CTNND2: variants seen among roughly 807,000 people sequenced by gnomAD.
The protein encoded by CTNND2 is catenin delta 2.
A neutral mutation model predicts 144.4 loss-of-function variants in CTNND2; 22 were observed. The ratio of observed to expected loss-of-function variants is 0.15; its 90% CI spans 0.11 to 0.22. The LOEUF (loss-of-function observed/expected upper bound fraction) is 0.22. Ranked by LOEUF, CTNND2 falls within the 10% of genes least tolerant of loss-of-function variation. The pLI is 1.00. For missense variants in CTNND2, 1,353 were observed against 1,618.8 expected, an observed-to-expected ratio of 0.84 and a Z score of 2.82; for synonymous variants, 751 against 695.6, an observed-to-expected ratio of 1.08 and a Z score of -1.25.
In CTNND2 at chr5:11,019,905, T is replaced by C. The variant is rs61751674; in HGVS notation, c.3000-1847A>G. 4.2e-3 allele frequency among the ~76,000 whole-genome samples: 638 copies of C among 152,314 alleles called. 7 individuals are homozygous for C. The highest frequency in any genetic ancestry group is 0.013 in the African/African-American group (522 of 41,558). On this transcript the variant is annotated intron_variant, in intron 17 of 21. Coordinates refer to ENST00000304623, the MANE Select transcript of CTNND2 (RefSeq NM_001332.4). ...GTATTCTTGAGACAGATGAACATGA[T>C]AGAATGTCCATAATGTATGTTTAAA...
At chr5:11,147,761 T>C (rs993022932) in intron 12 of CTNND2, among the ~76,000 whole-genome samples, 1 of 151,118 alleles carries the variant, frequency 6.6e-6, no homozygotes, top group South Asian at 2.1e-4. Flanking sequence ...GAGGTGAACA[T>C]ACAGAAAAAA....
chr5:11,544,204 T>A (rs1233637650), intron 3 of CTNND2, among the ~76,000 whole-genome samples: 4 of 151,896 alleles, frequency 2.6e-5, no homozygotes, highest in African/African-American at 7.2e-5. Flanking sequence ...AGACGGAGTC[T>A]CCCTCTGTCT....
At chr5:11,188,857 C>T (rs970852757) in intron 11 of CTNND2, among the ~76,000 whole-genome samples, 2 of 152,194 alleles carry the variant, frequency 1.3e-5, no homozygotes, top group African/African-American at 4.8e-5. Context: ...TCTAGTTTAA[C>T]AGATCATTAT....
intron 5 of CTNND2, among the ~76,000 whole-genome samples, chr5:11,404,093 T>C (rs1760869699): frequency 6.6e-6 from 1 of 152,232 alleles, no homozygotes; most frequent in South Asian, 2.1e-4. Context: ...CAGAAGAATA[T>C]GCAGCACACA....
intron 11 of CTNND2, among the ~76,000 whole-genome samples, chr5:11,173,151 C>T (rs913364380): frequency 3.3e-5 from 5 of 152,362 alleles, no homozygotes; most frequent in East Asian, 1.9e-4. Flanking sequence ...GCCCACATGC[C>T]GAACTTCCCG....
intron 2 of CTNND2, among the ~76,000 whole-genome samples, chr5:11,660,548 A>T (rs1482652005): frequency 6.6e-6 from 1 of 152,134 alleles, no homozygotes; most frequent in East Asian, 1.9e-4. Context: ...GTTTCCCAAA[A>T]ATCTGAGGAT....
intron 2 of CTNND2, among the ~76,000 whole-genome samples, chr5:11,577,153 T>A (rs1355847918): frequency 6.6e-6 from 1 of 152,234 alleles, no homozygotes; most frequent in African/African-American, 2.4e-5. Flanking sequence ...AATGACATTA[T>A]CTTCTCATCG....
intron 2 of CTNND2, among the ~76,000 whole-genome samples, chr5:11,702,972 G>A (rs936300417): frequency 6.6e-6 from 1 of 152,142 alleles, no homozygotes; most frequent in Non-Finnish European, 1.5e-5. Context: ...AGATGCTTCA[G>A]TGTTACTCCC....
intron 1 of CTNND2, among the ~76,000 whole-genome samples, chr5:11,766,121 C>T (rs553845247): frequency 6.6e-6 from 1 of 152,236 alleles, no homozygotes; most frequent in African/African-American, 2.4e-5. Context: ...ATTGTTTGCA[C>T]CAAATAATTA....
At chr5:11,875,505 A>G (rs1325655793) in intron 1 of CTNND2, among the ~76,000 whole-genome samples, 1 of 152,166 alleles carries the variant, frequency 6.6e-6, no homozygotes, top group African/African-American at 2.4e-5. Flanking sequence ...CTAACTCCCA[A>G]TGTAACAGTA....
intron 9 of CTNND2, among the ~76,000 whole-genome samples, chr5:11,323,789 G>A (rs1434042720): frequency 1.3e-5 from 2 of 152,214 alleles, no homozygotes; most frequent in African/African-American, 2.4e-5. Context: ...ACACTCTGGA[G>A]AGAGGCCTGG....
chr5:11,719,515 G>A (rs899908979), intron 2 of CTNND2, among the ~76,000 whole-genome samples: 2 of 152,176 alleles, frequency 1.3e-5, no homozygotes, highest in East Asian at 3.9e-4. Flanking sequence ...ACAAAGTATG[G>A]ATATCTCAGA....
chr5:11,237,308 C>A (rs568000159), intron 9 of CTNND2, among the ~76,000 whole-genome samples: 1 of 152,070 alleles, frequency 6.6e-6, no homozygotes, highest in African/African-American at 2.4e-5. Context: ...CGTGAGCCAG[C>A]GCGCCCAGCC....
intron 9 of CTNND2, among the ~76,000 whole-genome samples, chr5:11,327,191 C>T (rs1213083397): frequency 6.6e-6 from 1 of 151,976 alleles, no homozygotes; most frequent in Admixed American, 6.6e-5. Flanking sequence ...GGTCAAGGGC[C>T]AGTGGGAAAG....
chr5:11,219,322 A>G (rs750523294), intron 10 of CTNND2, among the ~76,000 whole-genome samples: 13 of 152,218 alleles, frequency 8.5e-5, no homozygotes, highest in Non-Finnish European at 1.9e-4. Flanking sequence ...CCCTTCCTGA[A>G]ACTCCAGCAG....
At chr5:11,391,987 C>T in intron 6 of CTNND2, among the ~76,000 whole-genome samples, 1 of 152,210 alleles carries the variant, frequency 6.6e-6, no homozygotes, top group Non-Finnish European at 1.5e-5. Context: ...AACTATATCC[C>T]TGGAAATAAT....
chr5:10,991,318 C>T (rs1352913429), intron 19 of CTNND2, among the ~76,000 whole-genome samples: 1 of 152,204 alleles, frequency 6.6e-6, no homozygotes, highest in African/African-American at 2.4e-5. Flanking sequence ...CAGGTCCTCC[C>T]AGGTGTCATT....
intron 1 of CTNND2, among the ~76,000 whole-genome samples, chr5:11,809,586 C>CG (rs1471862437): frequency 6.6e-6 from 1 of 152,134 alleles, no homozygotes; most frequent in African/African-American, 2.4e-5. Flanking sequence ...TGAGTCAGGG[C>CG]GGACCACAGG....
chr5:11,626,480 T>C (rs1216848227), intron 2 of CTNND2, among the ~76,000 whole-genome samples: 1 of 152,216 alleles, frequency 6.6e-6, no homozygotes, highest in East Asian at 1.9e-4. Context: ...AATGTACACA[T>C]TGCTAATTGT....
Sources: gnomAD v4.1 joint callset for allele counts (sites outside exome capture counted in the v4.1 genomes callset) on GRCh38, gnomAD v4.1.1 for gene constraint, MANE v1.5 for transcripts, NCBI Gene and HGNC (gene_info 2026-07-23, HGNC 2026-07-21) for gene names.